Variants in ARL17B observed in about 807,000 individuals in gnomAD.
The protein encoded by ARL17B is ARF like GTPase 17B.
chr17:46,291,038 C>T (rs2532426), intron 4 of ARL17B, among the ~76,000 whole-genome samples: 21,419 of 151,832 alleles, frequency 0.14, 1,863 homozygotes, highest in Non-Finnish European at 0.21. Flanking sequence ...AATGAATCTG[C>T]TTCTCTGTCT....
rs1198874922 is a variant in ARL17B, at chr17:46,327,222, G to A, written c.259+25598C>T. On this transcript the variant is annotated intron_variant, in intron 3 of 4. Coordinates refer to the ARL17B transcript ENST00000434041. ...GATGTATCCTTCCTGCCTCGTAACC[G>A]CAGATGGCCTGTAATACTAAGTTTG... 9.2e-5 allele frequency among the ~76,000 whole-genome samples: 7 copies of A among 76,084 alleles called. 1 individual carries two copies. The highest frequency in any genetic ancestry group is 5.4e-4 in the South Asian group (1 of 1,866). 49.9% of individuals were successfully genotyped at this position (76,084 alleles called of 152,430 possible). A position where few individuals can be genotyped will look rare whatever the true frequency, so the allele number is the denominator to read the frequency against.
Position 46,304,637 on chromosome 17 carries a change from AT to A in ARL17B, c.260-4973del, listed in dbSNP as rs1172829076. On this transcript the variant is annotated intron_variant, in intron 3 of 4. Transcript: ENST00000434041. ...ACTCCATCACTGTATAACTGAAGAA[AT>A]TTTTTTTTATGAAATATTAAAGCAA... Among the ~76,000 whole-genome samples the A allele has an allele frequency of 3.0e-4, 20 of 66,482 alleles. 4 individuals carry two copies. The highest frequency in any genetic ancestry group is 5.7e-4 in the East Asian group (2 of 3,498). The allele number at this position is 66,482 out of a possible 152,430, so 43.6% of individuals were successfully genotyped here. A position where few individuals can be genotyped will look rare whatever the true frequency, so the allele number is the denominator to read the frequency against.
chr17:46,277,853 G>A (rs2049635581), intron 4 of ARL17B, among the ~76,000 whole-genome samples: 1 of 151,856 alleles, frequency 6.6e-6, no homozygotes, highest in African/African-American at 2.4e-5. Context: ...TACCATATTG[G>A]CCAGGCTGGT....
intron 3 of ARL17B, among the ~76,000 whole-genome samples, chr17:46,340,942 T>C (rs1474830482): frequency 1.3e-5 from 1 of 78,546 alleles, no homozygotes; most frequent in Admixed American, 1.2e-4. Flanking sequence ...GGCCTCACTT[T>C]GTTGCCCAGG....
chr17:46,357,230 A>T (rs1953548977), intron 2 of ARL17B, among the ~76,000 whole-genome samples: 1 of 98,148 alleles, frequency 1.0e-5, no homozygotes, highest in Non-Finnish European at 1.9e-5. Context: ...TTCAATATTC[A>T]GAACAGAACA....
chr17:46,298,685 C>G (rs1202744563), downstream of ARL17B, among the ~76,000 whole-genome samples: 1 of 100,014 alleles, frequency 1.0e-5, no homozygotes, highest in Non-Finnish European at 2.2e-5. Flanking sequence ...GATTGCACCA[C>G]TGCACTCCAG....
intron 4 of ARL17B, among the ~76,000 whole-genome samples, chr17:46,281,370 C>T (rs1393811305): frequency 6.6e-6 from 1 of 151,856 alleles, no homozygotes; most frequent in Non-Finnish European, 1.5e-5. Flanking sequence ...CTCGCATCAG[C>T]TCAGAAAATT....
rs1385929297 is a variant in ARL17B, at chr17:46,316,559, C to T, written c.260-16894G>A. Among the ~76,000 whole-genome samples the T allele has an allele frequency of 3.0e-5, 2 of 66,130 alleles. 1 individual carries two copies. The highest frequency in any genetic ancestry group is 8.6e-5 in the Non-Finnish European group (2 of 23,124). 43.4% of individuals were successfully genotyped at this position (66,130 alleles called of 152,430 possible). On this transcript the variant is annotated intron_variant, in intron 3 of 4. Transcript: ENST00000434041. The stretch of plus-strand genomic sequence containing the variant: ...TAAGCAATGCTGTCACCTCAGCCTC[C>T]TGGGTAGCTGAGACTACAGGCATGC...
intron 4 of ARL17B, among the ~76,000 whole-genome samples, chr17:46,289,261 T>C (rs1252102393): frequency 6.6e-6 from 1 of 152,206 alleles, no homozygotes; most frequent in Non-Finnish European, 1.5e-5. Context: ...CGGCTTGCTA[T>C]AGCCTTGACC....
chr17:46,275,457 C>T, intron 4 of ARL17B: 1 of 830,346 alleles, frequency 1.2e-6, no homozygotes, highest in Admixed American at 2.2e-5. Context: ...GAGCACCTTT[C>T]ATTTTTGAAA....
At chr17:46,280,350 T>A (rs2049727952) in intron 4 of ARL17B, among the ~76,000 whole-genome samples, 1 of 151,320 alleles carries the variant, frequency 6.6e-6, no homozygotes, top group Non-Finnish European at 1.5e-5. Context: ...GGCAACAGAG[T>A]GAGACTCTGT....
At chr17:46,289,785 A>AT (rs1373302015) in intron 4 of ARL17B, among the ~76,000 whole-genome samples, 1 of 150,308 alleles carries the variant, frequency 6.7e-6, no homozygotes, top group Non-Finnish European at 1.5e-5. Context: ...AGAGTTTTTA[A>AT]TTTTTTTAAT....
intron 4 of ARL17B, among the ~76,000 whole-genome samples, chr17:46,276,600 G>A (rs1292526744): frequency 6.6e-6 from 1 of 152,164 alleles, no homozygotes; most frequent in African/African-American, 2.4e-5. Flanking sequence ...AAACAATGCT[G>A]GAGATCATAA....
Position 46,291,867 on chromosome 17 carries a change from G to A in ARL17B, c.*21+7659C>T, listed in dbSNP as rs189465443. On this transcript the variant is annotated intron_variant, in intron 4 of 4. Coordinates refer to the ARL17B transcript ENST00000570618. ...TCCCAGATACTTGGGAACCTGAGGC[G>A]GAAGGACTTACTGATCTGGGTAGGG... Among the ~76,000 whole-genome samples, 29 of 151,628 alleles carry A rather than the reference G, an allele frequency of 1.9e-4. No individual in the cohort carries two copies. In the East Asian group the frequency reaches 3.3e-3, roughly 17 times the overall value.
chr17:46,274,481 T>A (rs540472827), downstream of ARL17B, among the ~76,000 whole-genome samples: 1 of 152,382 alleles, frequency 6.6e-6, no homozygotes, highest in Non-Finnish European at 1.5e-5. Flanking sequence ...TGCACATGTG[T>A]ACATAGCAGC....
At chr17:46,332,096 AACTTTGGTCATGACAGTGATCTCCC>A (rs1309850295), downstream of ARL17B, 158 of 182,190 alleles carry the variant, frequency 8.7e-4, 1 homozygote, top group Middle Eastern at 1.2e-3. Context: ...TTGGCCATGT[AACTTTGGTCATGACAGTGATCTCCC>A]ACTTTGCTCA....
chr17:46,282,621 A>G (rs555952860), intron 4 of ARL17B, among the ~76,000 whole-genome samples: 1 of 149,796 alleles, frequency 6.7e-6, no homozygotes, highest in African/African-American at 2.5e-5. Flanking sequence ...AAGGTCTCAT[A>G]CTGTGGCCCA....
Position 46,282,190 on chromosome 17 carries a change from T to C in ARL17B, c.*22-6772A>G, listed in dbSNP as rs1417718489. On this transcript the variant is annotated intron_variant, in intron 4 of 4. Coordinates refer to the ARL17B transcript ENST00000570618. ...CAATCTCGGCTCACTGCAAGCTCTG[T>C]CTCCCGGGTTCATGCCATTCTCCTG... Among the ~76,000 whole-genome samples the C allele has an allele frequency of 1.4e-3, 173 of 120,906 alleles. 1 individual carries two copies. Among genetic ancestry groups the C allele is most frequent in the Non-Finnish European group, 2.3e-3 (110 of 47,018 alleles). The allele number at this position is 120,906 out of a possible 152,430, so 79.3% of individuals were successfully genotyped here.
intron 4 of ARL17B, among the ~76,000 whole-genome samples, chr17:46,275,581 A>G (rs1017005325): frequency 4.6e-5 from 7 of 152,264 alleles, no homozygotes; most frequent in Non-Finnish European, 8.8e-5. Context: ...TTAACCTATA[A>G]TAATAAAACT....
Sources: allele counts gnomAD v4.1 joint callset (sites outside exome capture counted in the v4.1 genomes callset), GRCh38; gene constraint gnomAD v4.1.1; transcripts MANE v1.5; gene names NCBI Gene and HGNC (gene_info 2026-07-23, HGNC 2026-07-21).